The following PCDHA7 variants were observed in gnomAD, a reference collection of about 807,000 sequenced individuals.
The protein encoded by PCDHA7 is protocadherin alpha-7.
A neutral mutation model predicts 57.2 loss-of-function variants in PCDHA7; 37 were observed. The observed-to-expected ratio is 0.65, with a 90% CI of 0.50 to 0.85. The LOEUF is 0.85. PCDHA7 is among the 40% of genes least tolerant of loss of function. The pLI, the probability that PCDHA7 is intolerant of heterozygous loss-of-function variation, is 0.00. For synonymous variants in PCDHA7, 553 were observed against 558.8 expected, an observed-to-expected ratio of 0.99 and a Z score of 0.15; for missense variants, 1,188 against 1,241.8, an observed-to-expected ratio of 0.96 and a Z score of 0.65.
intron 1 of PCDHA7, chr5:140,876,573 C>G: frequency 1.9e-6 from 3 of 1,614,152 alleles, no homozygotes; most frequent in African/African-American, 1.3e-5. Flanking sequence ...AGGTGGGTAC[C>G]GTCATTGCCC....
At chr5:140,973,375 C>A (rs2096584404) in intron 1 of PCDHA7, among the ~76,000 whole-genome samples, 1 of 152,182 alleles carries the variant, frequency 6.6e-6, no homozygotes, top group Admixed American at 6.5e-5. Context: ...GCACAATGGT[C>A]AGAATAGACA....
At chr5:140,941,290 T>A (rs1403658442) in intron 1 of PCDHA7, among the ~76,000 whole-genome samples, 1 of 69,836 alleles carries the variant, frequency 1.4e-5, no homozygotes, top group Non-Finnish European at 3.3e-5. Flanking sequence ...TCCTTTCTCT[T>A]TCTTTCTTTC....
chr5:140,864,396 G>A (rs2048459702), intron 1 of PCDHA7: 1 of 152,210 alleles, frequency 6.6e-6, no homozygotes, highest in Non-Finnish European at 1.5e-5. Context: ...CACAAATGGT[G>A]ATGAGCAGGG....
chr5:140,850,280 C>T lies in PCDHA7; in HGVS notation c.2355+13542C>T. ...CCGGCGTAGTGGTGGGGAAGGTGCG[C>T]GCAGTGGACGCCGACTCGGGCTACA... is the stretch of plus-strand genomic sequence containing the variant. On this transcript the variant is annotated intron_variant, in intron 1 of 3. Coordinates refer to ENST00000525929, the MANE Select transcript of PCDHA7 (RefSeq NM_018910.3). The T allele has an allele frequency of 3.1e-6, 5 of 1,595,478 alleles. 1 individual carries two copies. Among genetic ancestry groups the T allele is most frequent in the Non-Finnish European group, 8.6e-7 (1 of 1,167,556 alleles).
intron 1 of PCDHA7, chr5:140,863,343 G>A (rs781977341): frequency 6.7e-6 from 9 of 1,338,226 alleles, no homozygotes; most frequent in Non-Finnish European, 5.2e-6. Context: ...CGTTGCTGCT[G>A]TACACGACGC....
At chr5:140,842,812 G>A in intron 1 of PCDHA7, 1 of 1,594,038 alleles carries the variant, frequency 6.3e-7, no homozygotes, top group Non-Finnish European at 8.6e-7. Flanking sequence ...TTGTGGAGCG[G>A]CGGGTGGGCG....
intron 2 of PCDHA7, among the ~76,000 whole-genome samples, chr5:140,979,396 G>C (rs2096848299): frequency 6.6e-6 from 1 of 151,692 alleles, no homozygotes; most frequent in South Asian, 2.1e-4. Flanking sequence ...ATACATACAT[G>C]TTGTCTACCT....
At position 140,843,439 on chromosome 5, in the gene PCDHA7, G is replaced by T. The variant is rs2150360020; in HGVS notation, c.2355+6701G>T. The T allele has an allele frequency of 1.9e-6, 3 of 1,596,092 alleles. No homozygotes were observed. In the South Asian group the frequency reaches 3.3e-5, roughly 18 times the overall value. On this transcript the variant is annotated intron_variant, in intron 1 of 3. Transcript: ENST00000525929. ...TGTACCTGATCATCGCCATCTGCGC[G>T]GTATCCAGCCTGCTGGTGCTCACGC...
chr5:140,972,355 G>A (rs1190163389), intron 1 of PCDHA7, among the ~76,000 whole-genome samples: 3 of 150,946 alleles, frequency 2.0e-5, no homozygotes, highest in Admixed American at 2.0e-4. Context: ...TCACTATGTT[G>A]CACATGCTGT....
intron 1 of PCDHA7, among the ~76,000 whole-genome samples, chr5:140,874,267 A>G (rs929129030): frequency 6.6e-6 from 1 of 152,232 alleles, no homozygotes; most frequent in Non-Finnish European, 1.5e-5. Flanking sequence ...TGACTTGAGT[A>G]TTAATAGACT....
At chr5:140,971,630 C>A (rs1281130153) in intron 1 of PCDHA7, among the ~76,000 whole-genome samples, 1 of 151,972 alleles carries the variant, frequency 6.6e-6, no homozygotes, top group Non-Finnish European at 1.5e-5. Context: ...ACAATTAGTA[C>A]CATGTGCCTA....
At chr5:140,946,610 A>AT (rs2093970425) in intron 1 of PCDHA7, among the ~76,000 whole-genome samples, 1 of 119,932 alleles carries the variant, frequency 8.3e-6, no homozygotes, top group African/African-American at 3.4e-5. Flanking sequence ...AGAAAATGTG[A>AT]AATATATATA....
In PCDHA7 at chr5:140,841,930, G is replaced by A. The variant is rs149689120; in HGVS notation, c.2355+5192G>A. 3.7e-6 allele frequency: 6 copies of A among 1,613,908 alleles called. No individual in the cohort carries two copies. In the African/African-American group the frequency reaches 8.0e-5, roughly 22 times the overall value. ...TATTAAGAAAATCCTTGGACAGAGAGGACGCTCCTGCGCACCACTTATTCC... is the reference window on the plus strand; with the variant it reads ...TATTAAGAAAATCCTTGGACAGAGAAGACGCTCCTGCGCACCACTTATTCC... On this transcript the variant is annotated intron_variant, in intron 1 of 3. Coordinates refer to ENST00000525929, the MANE Select transcript of PCDHA7 (RefSeq NM_018910.3).
At chr5:140,869,316 T>A in intron 1 of PCDHA7, 1 of 1,613,748 alleles carries the variant, frequency 6.2e-7, no homozygotes, top group Non-Finnish European at 8.5e-7. Context: ...CCAAAACACA[T>A]GGGGACCTTC....
intron 1 of PCDHA7, among the ~76,000 whole-genome samples, chr5:140,838,045 T>G (rs1554136763): frequency 1.3e-5 from 2 of 150,866 alleles, no homozygotes; most frequent in African/African-American, 2.4e-5. Flanking sequence ...TTTCTGCACT[T>G]TTTGGTTTTC....
At chr5:140,984,139 C>T (rs2097088415) in intron 3 of PCDHA7, among the ~76,000 whole-genome samples, 1 of 152,178 alleles carries the variant, frequency 6.6e-6, no homozygotes. Flanking sequence ...GATGTGGAGG[C>T]ATCTGGGAAG....
At chr5:141,009,439 G>A (rs187486568) in intron 3 of PCDHA7, among the ~76,000 whole-genome samples, 188 bp from the exon 4 acceptor site, 1 of 152,244 alleles carries the variant, frequency 6.6e-6, no homozygotes, top group East Asian at 1.9e-4. Context: ...GGGAAATCCT[G>A]TCTCAAAAAA....
intron 3 of PCDHA7, among the ~76,000 whole-genome samples, chr5:141,001,004 T>C (rs2097982470): frequency 1.3e-5 from 2 of 152,368 alleles, no homozygotes; most frequent in South Asian, 4.1e-4. Flanking sequence ...TTTAAATATG[T>C]ATTTAGATAT....
At chr5:140,912,864 T>C (rs1483499385) in intron 1 of PCDHA7, among the ~76,000 whole-genome samples, 1 of 152,212 alleles carries the variant, frequency 6.6e-6, no homozygotes, top group East Asian at 1.9e-4. Context: ...TGAAATGATA[T>C]ATGGTTTTTG....
Sources: gnomAD v4.1 joint callset for allele counts (sites outside exome capture counted in the v4.1 genomes callset) on GRCh38, gnomAD v4.1.1 for gene constraint, MANE v1.5 for transcripts, NCBI Gene and HGNC (gene_info 2026-07-23, HGNC 2026-07-21) for gene names.